The following PBX3 variants were observed in gnomAD, a reference collection of about 807,000 sequenced individuals.
The protein encoded by PBX3 is pre-B-cell leukemia transcription factor 3.
Under a neutral mutation model 48.5 loss-of-function variants are expected in PBX3, and 14 were observed. That is an observed-to-expected ratio of 0.29 (90% CI 0.19 to 0.45). The LOEUF (loss-of-function observed/expected upper bound fraction) is 0.45. PBX3 is among the 20% of genes least tolerant of loss of function. The pLI is 1.00. For synonymous variants in PBX3, 210 were observed against 200.3 expected (o/e 1.05, Z -0.41); for missense variants, 386 against 546.7 (o/e 0.71, Z 2.93).
intron 2 of PBX3, among the ~76,000 whole-genome samples, chr9:125,785,124 G>C (rs1837425445): frequency 6.6e-6 from 1 of 152,186 alleles, no homozygotes; most frequent in Non-Finnish European, 1.5e-5. Flanking sequence ...TCTGCCCTGA[G>C]TGAGATCTGA....
At chr9:125,961,409 A>G (rs749280003) in intron 6 of PBX3, among the ~76,000 whole-genome samples, 10 of 152,204 alleles carry the variant, frequency 6.6e-5, no homozygotes, top group Admixed American at 3.9e-4. Context: ...CTCGTCCGGT[A>G]CATTTTGGCT....
chr9:125,805,109 G>T (rs186164212), intron 2 of PBX3, among the ~76,000 whole-genome samples: 2 of 152,094 alleles, frequency 1.3e-5, no homozygotes, highest in Admixed American at 1.3e-4. Flanking sequence ...GTTGTTAAAA[G>T]AAAATATTTT....
chr9:125,804,808 G>T (rs894821186), intron 2 of PBX3, among the ~76,000 whole-genome samples: 3 of 124,718 alleles, frequency 2.4e-5, no homozygotes, highest in African/African-American at 5.3e-5. Flanking sequence ...TTAGCTGGGC[G>T]GGGTGGCGGG....
At chr9:125,870,721 T>C (rs1330625610) in intron 2 of PBX3, among the ~76,000 whole-genome samples, 1 of 152,194 alleles carries the variant, frequency 6.6e-6, no homozygotes, top group Non-Finnish European at 1.5e-5. Context: ...ATCTTGGATG[T>C]AAGTTAAGAG....
intron 2 of PBX3, among the ~76,000 whole-genome samples, chr9:125,905,885 A>G (rs1161900812): frequency 2.6e-5 from 4 of 152,116 alleles, no homozygotes; most frequent in Middle Eastern, 3.4e-3. Context: ...AGCTTCTGCC[A>G]TTGTCCTTTG....
chr9:125,938,544 G>A (rs1170008938), intron 5 of PBX3, among the ~76,000 whole-genome samples: 1 of 152,200 alleles, frequency 6.6e-6, no homozygotes, highest in Non-Finnish European at 1.5e-5. Flanking sequence ...ACATCACCAA[G>A]GAGGAGCAGA....
At chr9:125,880,303 A>G (rs2132348279) in intron 2 of PBX3, among the ~76,000 whole-genome samples, 1 of 152,344 alleles carries the variant, frequency 6.6e-6, no homozygotes, top group South Asian at 2.1e-4. Context: ...TCGGCCTCCC[A>G]AAGTGTTGGG....
At chr9:125,912,392 C>T (rs1339330592) in intron 2 of PBX3, among the ~76,000 whole-genome samples, 1 of 152,042 alleles carries the variant, frequency 6.6e-6, no homozygotes, top group Non-Finnish European at 1.5e-5. Context: ...AATTTTGACC[C>T]GTAATTTATT....
At chr9:125,895,993 C>A (rs559637100) in intron 2 of PBX3, among the ~76,000 whole-genome samples, 1 of 152,150 alleles carries the variant, frequency 6.6e-6, no homozygotes, top group East Asian at 1.9e-4. Flanking sequence ...GATTTTAATA[C>A]TTGCTACTTT....
chr9:125,956,636 A>G (rs1018278466), intron 5 of PBX3, among the ~76,000 whole-genome samples: 4 of 152,192 alleles, frequency 2.6e-5, no homozygotes, highest in African/African-American at 9.7e-5. Flanking sequence ...GCTGATAACA[A>G]TGAACATCAG....
intron 2 of PBX3, among the ~76,000 whole-genome samples, chr9:125,864,090 C>G (rs970423389): frequency 6.6e-6 from 1 of 152,116 alleles, no homozygotes; most frequent in Non-Finnish European, 1.5e-5. Context: ...TTGAGAAATG[C>G]TAGACTAAAC....
chr9:125,924,721 A>G (rs1841533634), intron 3 of PBX3, among the ~76,000 whole-genome samples: 1 of 152,174 alleles, frequency 6.6e-6, no homozygotes, highest in African/African-American at 2.4e-5. Flanking sequence ...ATGGATATCA[A>G]CTCTGAACTC....
At chr9:125,947,395 C>T (rs1000693269) in intron 5 of PBX3, among the ~76,000 whole-genome samples, 1 of 152,074 alleles carries the variant, frequency 6.6e-6, no homozygotes, top group Non-Finnish European at 1.5e-5. Context: ...TTCTAAGACT[C>T]TTACGTTTTC....
chr9:125,777,639 C>G (rs1175066835), intron 2 of PBX3, among the ~76,000 whole-genome samples: 1 of 152,022 alleles, frequency 6.6e-6, no homozygotes. Context: ...GCTGGGATTA[C>G]AGGCGTGAGC....
chr9:125,944,839 A>G (rs1401080302), intron 5 of PBX3, among the ~76,000 whole-genome samples: 2 of 151,726 alleles, frequency 1.3e-5, no homozygotes, highest in East Asian at 3.9e-4. Flanking sequence ...TAAAACCCCA[A>G]CTCCTCCCCA....
intron 3 of PBX3, among the ~76,000 whole-genome samples, chr9:125,923,658 T>C (rs1841503866): frequency 1.3e-5 from 2 of 152,136 alleles, no homozygotes; most frequent in Admixed American, 1.3e-4. Flanking sequence ...CTCGACCTCC[T>C]GGGCTCAAGT....
In PBX3 at chr9:125,937,295, G is replaced by A. The variant is rs568820071; in HGVS notation, c.843+1688G>A. On this transcript the variant is annotated intron_variant, in intron 5 of 8. Coordinates refer to ENST00000373489, the MANE Select transcript of PBX3 (RefSeq NM_006195.6). ...GTGATAAAAAGGTTTCCTTCTGGCTGTTCTGAACTAGGGAGTTTTAACTTC... is the reference window on the plus strand; with the variant it reads ...GTGATAAAAAGGTTTCCTTCTGGCTATTCTGAACTAGGGAGTTTTAACTTC... Among the ~76,000 whole-genome samples the A allele has an allele frequency of 1.3e-3, 203 of 152,186 alleles. 1 individual carries two copies. Among genetic ancestry groups the A allele is most frequent in the African/African-American group, 4.6e-3 (192 of 41,524 alleles).
At chr9:125,815,661 C>T (rs1417816529) in intron 2 of PBX3, among the ~76,000 whole-genome samples, 2 of 150,900 alleles carry the variant, frequency 1.3e-5, no homozygotes, top group African/African-American at 4.9e-5. Flanking sequence ...TGTCTGACTT[C>T]TCCTTTGGGC....
chr9:125,875,787 T>C (rs1840234090), intron 2 of PBX3, among the ~76,000 whole-genome samples: 1 of 152,232 alleles, frequency 6.6e-6, no homozygotes, highest in South Asian at 2.1e-4. Context: ...TTGCTATTTA[T>C]AAATTGGCTT....
Sources: allele counts gnomAD v4.1 joint callset (sites outside exome capture counted in the v4.1 genomes callset), GRCh38; gene constraint gnomAD v4.1.1; transcripts MANE v1.5; gene names NCBI Gene and HGNC (gene_info 2026-07-23, HGNC 2026-07-21).